ANKRD30A: variants seen among roughly 807,000 people sequenced by gnomAD.
ANKRD30A encodes ankyrin repeat domain 30A.
A neutral mutation model predicts 166.3 loss-of-function variants in ANKRD30A; 170 were observed. That is an observed-to-expected ratio of 1.02 (90% CI 0.90 to 1.16). The LOEUF (loss-of-function observed/expected upper bound fraction) is 1.16. Ranked by LOEUF, ANKRD30A falls within the 50% of genes most tolerant of loss-of-function variation. The pLI is 0.00. For missense variants in ANKRD30A, 1,630 were observed against 1,518.0 expected (o/e 1.07, Z -1.23); for synonymous variants, 564 against 508.9 (o/e 1.11, Z -1.46).
Position 37,142,670 on chromosome 10 carries a change from C to T in ANKRD30A, c.1393+380C>T, listed in dbSNP as rs529725788. On this transcript the variant is annotated intron_variant, in intron 7 of 35. Transcript: ENST00000361713. ...CACGAGTGATCTCGGCTGACTACAA[C>T]CTCCGCCTCCCAGGTTCATGTGATT... 5.1e-4 allele frequency among the ~76,000 whole-genome samples: 73 copies of T among 143,050 alleles called. 2 individuals carry two copies. In the South Asian group the frequency reaches 6.7e-3, roughly 13 times the overall value. 93.8% of individuals were successfully genotyped at this position (143,050 alleles called of 152,430 possible). A position where few individuals can be genotyped will look rare whatever the true frequency, so the allele number is the denominator to read the frequency against.
chr10:37,158,782 A>T (rs1423942943), intron 15 of ANKRD30A, among the ~76,000 whole-genome samples, 196 bp downstream of exon 15: 1 of 152,186 alleles, frequency 6.6e-6, no homozygotes, highest in Non-Finnish European at 1.5e-5. Context: ...TAGAAAAAAA[A>T]TTCTGCTTTA....
chr10:37,126,595 G>A lies in ANKRD30A; in HGVS notation c.221+587G>A, dbSNP rs182936502. Among the ~76,000 whole-genome samples the A allele has an allele frequency of 4.9e-3, 742 of 152,214 alleles. 4 individuals are homozygous for A. Among genetic ancestry groups the A allele is most frequent in the African/African-American group, 0.017 (709 of 41,544 alleles). ...AGAAGACTCATTTTTCTCAGGATGC[G>A]AGTTCTTTATCAGTTTTACATAAAC... On this transcript the variant is annotated intron_variant, in intron 1 of 35. Coordinates refer to ENST00000361713, the MANE Select transcript of ANKRD30A (RefSeq NM_052997.3).
chr10:37,235,749 C>A (rs1402922164), downstream of ANKRD30A, among the ~76,000 whole-genome samples: 2 of 147,748 alleles, frequency 1.4e-5, no homozygotes, highest in Non-Finnish European at 1.5e-5. Flanking sequence ...TGATTGATTT[C>A]ACTATATTTC....
chr10:37,135,973 G>A (rs189419473), intron 5 of ANKRD30A, among the ~76,000 whole-genome samples: 5 of 152,120 alleles, frequency 3.3e-5, no homozygotes, highest in Admixed American at 2.6e-4. Context: ...TTAATTTTTT[G>A]TAGAGACAGG....
At chr10:37,225,322 A>G (rs1843098701) in intron 34 of ANKRD30A, among the ~76,000 whole-genome samples, 1 of 151,780 alleles carries the variant, frequency 6.6e-6, no homozygotes, top group South Asian at 2.1e-4. Context: ...TTTGTAGGTT[A>G]GAACATGTTT....
At chr10:37,142,927 C>G in intron 7 of ANKRD30A, among the ~76,000 whole-genome samples, 1 of 152,074 alleles carries the variant, frequency 6.6e-6, no homozygotes, top group South Asian at 2.1e-4. Context: ...CTCCAATAAT[C>G]ATGCTCTCTC....
intron 6 of ANKRD30A, among the ~76,000 whole-genome samples, chr10:37,137,497 G>A (rs12359236): frequency 0.048 from 7,280 of 152,234 alleles, 235 homozygotes; most frequent in South Asian, 0.061. Flanking sequence ...GTGACAGACG[G>A]CACCTGGAAA....
chr10:37,247,739 G>C, the ANKRD30A span, among the ~76,000 whole-genome samples: 9 of 151,290 alleles, frequency 5.9e-5, no homozygotes, highest in Non-Finnish European at 5.9e-5. Context: ...AAAATTAGCC[G>C]GGCGTGGTGG....
At chr10:37,202,331 C>A (rs1023775324) in intron 31 of ANKRD30A, among the ~76,000 whole-genome samples, 16 of 152,074 alleles carry the variant, frequency 1.1e-4, no homozygotes, top group African/African-American at 3.6e-4. Context: ...GGATTAAGAA[C>A]CTCACTCAAA....
chr10:37,158,358 A>G (rs1242978025), intron 13 of ANKRD30A, 34 bp from the exon 14 acceptor site: 2 of 1,598,672 alleles, frequency 1.3e-6, no homozygotes, highest in Admixed American at 1.7e-5. Flanking sequence ...TCAGGCTTGC[A>G]TATAATCAAT....
At chr10:37,236,272 C>A (rs1464232030), downstream of ANKRD30A, among the ~76,000 whole-genome samples, 27 of 152,160 alleles carry the variant, frequency 1.8e-4, no homozygotes, top group Non-Finnish European at 1.5e-5. Context: ...TAGACATCAA[C>A]ATACCCGCTT....
At chr10:37,126,620 C>A (rs1223928070) in intron 1 of ANKRD30A, among the ~76,000 whole-genome samples, 1 of 152,084 alleles carries the variant, frequency 6.6e-6, no homozygotes, top group South Asian at 2.1e-4. Context: ...TTTACATAAA[C>A]CAAATAAAGT....
At chr10:37,231,860 T>C (rs958905708) in intron 35 of ANKRD30A, among the ~76,000 whole-genome samples, 180 bp downstream of exon 35, 1 of 152,084 alleles carries the variant, frequency 6.6e-6, no homozygotes, top group East Asian at 1.9e-4. Flanking sequence ...GGAGCTCTCA[T>C]TTTCATGAAA....
chr10:37,165,616 T>G (rs1839262995), intron 18 of ANKRD30A, among the ~76,000 whole-genome samples: 1 of 152,154 alleles, frequency 6.6e-6, no homozygotes, highest in African/African-American at 2.4e-5. Flanking sequence ...GACATATCTT[T>G]ATTGTTCAGT....
chr10:37,156,278 A>G (rs1040444365), intron 13 of ANKRD30A, among the ~76,000 whole-genome samples: 8 of 152,148 alleles, frequency 5.3e-5, no homozygotes, highest in African/African-American at 1.7e-4. Context: ...ATACATTTCA[A>G]TAGCCATTAC....
chr10:37,243,564 C>T, the ANKRD30A span, among the ~76,000 whole-genome samples: 1 of 152,092 alleles, frequency 6.6e-6, no homozygotes, highest in South Asian at 2.1e-4. Flanking sequence ...AACCTGTCTC[C>T]TTTCATGCTT....
the ANKRD30A span, among the ~76,000 whole-genome samples, chr10:37,251,281 G>A: frequency 8.5e-5 from 13 of 152,256 alleles, no homozygotes; most frequent in African/African-American, 3.1e-4. Context: ...TTATAGGTGT[G>A]CTGATTTGCT....
intron 13 of ANKRD30A, 23 bp downstream of exon 13, chr10:37,153,685 A>G (rs759458138): frequency 1.9e-6 from 3 of 1,609,510 alleles, no homozygotes; most frequent in Non-Finnish European, 2.5e-6. Context: ...TTTTATTTAA[A>G]AATCAGTTGA....
rs1842598830 is a variant in ANKRD30A at position 37,216,202 on chromosome 10, T to A, written c.2891T>A (p.Ile964Asn). The change falls in exon 32 of 36, where the codon ATC (isoleucine) becomes AAC (asparagine). Residue 964 changes from isoleucine to asparagine, a missense_variant. Ile to Asn is a moderately radical substitution (Grantham distance 149, BLOSUM62 -3). Around this residue, in one of 4 missense-constraint regions of ANKRD30A, gnomAD observed 712 missense variants for 629.3 expected, o/e 1.13. Coordinates refer to ENST00000361713, the MANE Select transcript of ANKRD30A (RefSeq NM_052997.3). ...ACAGATTCAACTAGCCTATCAAAAA[T>A]CTTGGATACAGTTCATTCTTGTGAA... is the stretch of plus-strand genomic sequence containing the variant. ...KLEDSTSLSK[I>N]LDTVHSCERA... is the part of the protein sequence containing the mutation. 2 of 1,601,716 alleles carry A rather than the reference T, an allele frequency of 1.2e-6. No individual in the cohort carries two copies. Among genetic ancestry groups the A allele is most frequent in the Non-Finnish European group, 1.7e-6 (2 of 1,172,166 alleles).
Sources: gnomAD v4.1 joint callset for allele counts (sites outside exome capture counted in the v4.1 genomes callset) on GRCh38, gnomAD v4.1.1 for gene constraint, gnomAD v4.1.1 regional missense constraint, MANE v1.5 for transcripts, NCBI Gene and HGNC (gene_info 2026-07-23, HGNC 2026-07-21) for gene names.